The following KIF6 variants were observed in gnomAD, a reference collection of about 807,000 sequenced individuals.
The protein encoded by KIF6 is kinesin-like protein KIF6.
In KIF6, 106 loss-of-function variants were observed where a neutral mutation model predicts 112.7. The ratio of observed to expected loss-of-function variants is 0.94; its 90% CI spans 0.80 to 1.11. The LOEUF (loss-of-function observed/expected upper bound fraction) is 1.11. Ranked by LOEUF, KIF6 falls within the 50% of genes least tolerant of loss-of-function variation. KIF6 has a pLI of 0.00. For missense variants in KIF6, 929 were observed against 964.0 expected, an observed-to-expected ratio of 0.96 and a Z score of 0.48; for synonymous variants, 339 against 339.9, an observed-to-expected ratio of 1.00 and a Z score of 0.03.
Position 39,342,620 on chromosome 6 carries a change from T to TATTTTTTTTA in KIF6, c.2428+1088_2428+1089insTAAAAAAAAT, listed in dbSNP as rs1562107993. ...TTTTTTATTTTTTTTTATTTTTTTTTATTTTTTTTTATTTTTAGACAAGGA... is the reference window on the plus strand; with the variant it reads ...TTTTTTATTTTTTTTTATTTTTTTTTATTTTTTTTAATTTTTTTTTATTTTTAGACAAGGA... On this transcript the variant is annotated intron_variant, in intron 22 of 22. Transcript: ENST00000287152. This position sits in a 1 kb window ranked among gnomAD's most constrained non-coding sequence, Gnocchi z 4.7. Among the ~76,000 whole-genome samples, 1 of 122,170 alleles carries TATTTTTTTTA rather than the reference T, an allele frequency of 8.2e-6. No individual in the cohort carries two copies. The highest frequency in any genetic ancestry group is 1.7e-5 in the Non-Finnish European group (1 of 58,322). The allele number at this position is 122,170 out of a possible 152,430, so 80.1% of individuals were successfully genotyped here. A position where few individuals can be genotyped will look rare whatever the true frequency, so the allele number is the denominator to read the frequency against.
At chr6:39,707,354 A>G (rs1186494714) in intron 3 of KIF6, among the ~76,000 whole-genome samples, 1 of 152,150 alleles carries the variant, frequency 6.6e-6, no homozygotes, top group East Asian at 1.9e-4. Flanking sequence ...CTGTCTTGCT[A>G]GGCTGCCAGT....
chr6:39,667,042 C>T (rs544282976), intron 3 of KIF6, among the ~76,000 whole-genome samples: 251 of 152,288 alleles, frequency 1.6e-3, no homozygotes, highest in African/African-American at 5.7e-3. Flanking sequence ...AGATCTCTTT[C>T]ACTGTGTTGT....
intron 19 of KIF6, among the ~76,000 whole-genome samples, chr6:39,349,515 G>T (rs114678332): frequency 0.012 from 1,889 of 152,082 alleles, 37 homozygotes; most frequent in African/African-American, 0.043. Flanking sequence ...GGGAGGGATG[G>T]GAGAAGAGGC....
intron 15 of KIF6, among the ~76,000 whole-genome samples, chr6:39,406,871 C>T (rs749601949): frequency 1.3e-5 from 2 of 152,222 alleles, no homozygotes; most frequent in Non-Finnish European, 2.9e-5. Flanking sequence ...GCCTCAGCCT[C>T]CTAAGTAGCT....
At chr6:39,724,991 G>C (rs546741827) in intron 1 of KIF6, among the ~76,000 whole-genome samples, 44 of 152,242 alleles carry the variant, frequency 2.9e-4, no homozygotes, top group African/African-American at 1.1e-3. Context: ...GTGCCTGGGT[G>C]CAAAAAAAAT....
intron 3 of KIF6, among the ~76,000 whole-genome samples, chr6:39,671,280 T>C (rs1786802746): frequency 6.6e-6 from 1 of 152,212 alleles, no homozygotes; most frequent in Admixed American, 6.5e-5. Flanking sequence ...ATATTTGCAA[T>C]GAATGTCCCA....
intron 3 of KIF6, among the ~76,000 whole-genome samples, chr6:39,705,034 A>G (rs1789115254): frequency 6.6e-6 from 1 of 152,192 alleles, no homozygotes; most frequent in African/African-American, 2.4e-5. Context: ...ACAAACAAAT[A>G]CCAATTTCGG....
At chr6:39,482,618 T>C (rs1774866232) in intron 13 of KIF6, among the ~76,000 whole-genome samples, 1 of 152,242 alleles carries the variant, frequency 6.6e-6, no homozygotes, top group Non-Finnish European at 1.5e-5. Context: ...ATTCATTTAC[T>C]AGTTCCTCAT....
intron 15 of KIF6, among the ~76,000 whole-genome samples, chr6:39,411,555 C>G (rs762770285): frequency 1.1e-4 from 17 of 152,204 alleles, no homozygotes; most frequent in Non-Finnish European, 2.4e-4. Context: ...AGAAGCCTCA[C>G]AAATGGTGCT....
chr6:39,714,850 T>A, intron 2 of KIF6, 84 bp from the exon 3 acceptor site: 1 of 907,120 alleles, frequency 1.1e-6, no homozygotes, highest in South Asian at 1.5e-5. Flanking sequence ...CTGAAAGCTC[T>A]ATTAATTACC....
chr6:39,623,273 C>T (rs1021345297), intron 5 of KIF6, among the ~76,000 whole-genome samples: 1 of 151,994 alleles, frequency 6.6e-6, no homozygotes, highest in Non-Finnish European at 1.5e-5. Flanking sequence ...TTTTGTTCTT[C>T]TTGGTTGTCT....
At chr6:39,631,713 T>G (rs1329934593) in intron 5 of KIF6, among the ~76,000 whole-genome samples, 1 of 148,384 alleles carries the variant, frequency 6.7e-6, no homozygotes, top group Non-Finnish European at 1.5e-5. Flanking sequence ...TAGTTTTTTT[T>G]TTTGTTTTTT....
intron 3 of KIF6, among the ~76,000 whole-genome samples, chr6:39,706,498 T>TTTTA (rs1273704344): frequency 1.2e-4 from 18 of 152,242 alleles, no homozygotes; most frequent in Non-Finnish European, 2.2e-4. Context: ...GCTGATATGT[T>TTTTA]AGTGTCCCTG....
chr6:39,534,275 G>A (rs1010967039), intron 13 of KIF6, among the ~76,000 whole-genome samples: 2 of 152,070 alleles, frequency 1.3e-5, no homozygotes. Context: ...AGCTACAGGA[G>A]GAAATTCAAA....
chr6:39,528,911 T>C (rs1777890906), intron 13 of KIF6, among the ~76,000 whole-genome samples: 2 of 152,014 alleles, frequency 1.3e-5, no homozygotes, highest in Non-Finnish European at 2.9e-5. Flanking sequence ...CCCCTGAATA[T>C]CCAAAGCTAT....
intron 13 of KIF6, among the ~76,000 whole-genome samples, chr6:39,432,624 C>T (rs146569971): frequency 6.6e-6 from 1 of 152,310 alleles, no homozygotes; most frequent in East Asian, 1.9e-4. Context: ...ATCTGCCTTG[C>T]ACACTCTAGA....
intron 13 of KIF6, among the ~76,000 whole-genome samples, chr6:39,493,954 C>T (rs1775628184): frequency 6.6e-6 from 1 of 152,138 alleles, no homozygotes; most frequent in South Asian, 2.1e-4. Flanking sequence ...AAAATTTCCC[C>T]ACTCCTTTTG....
intron 10 of KIF6, among the ~76,000 whole-genome samples, chr6:39,556,630 C>T (rs957072568): frequency 3.3e-5 from 5 of 150,972 alleles, no homozygotes; most frequent in African/African-American, 1.2e-4. Context: ...GAATGAGAGG[C>T]AAGACGGCCG....
At position 39,589,482 on chromosome 6, in the gene KIF6, G is replaced by A. The variant is rs1283178317; in HGVS notation, c.847-3078C>T. ...ACAGTGCTCAGCACTTGCTAACATG[G>A]CAGAAACAAAGCTGTCTCCCTCAGT... On this transcript the variant is annotated intron_variant, in intron 7 of 22. Transcript: ENST00000287152. 2.0e-5 allele frequency among the ~76,000 whole-genome samples: 3 copies of A among 152,130 alleles called. No homozygotes were observed. The South Asian group carries it at 6.2e-4, about 32-fold the overall frequency.
Sources: allele counts gnomAD v4.1 joint callset (sites outside exome capture counted in the v4.1 genomes callset), GRCh38; gene constraint gnomAD v4.1.1; non-coding constraint Gnocchi (gnomAD v3.1); transcripts MANE v1.5; gene names NCBI Gene and HGNC (gene_info 2026-07-23, HGNC 2026-07-21).